The following JAKMIP3 variants were observed in gnomAD, a reference collection of about 807,000 sequenced individuals.
JAKMIP3 encodes the protein Janus kinase and microtubule interacting protein 3, also known as janus kinase and microtubule-interacting protein 3.
JAKMIP3 carries 58 observed loss-of-function variants against 118.5 expected under a neutral mutation model. The ratio of observed to expected loss-of-function variants is 0.49; its 90% CI spans 0.40 to 0.61. The LOEUF is 0.61. JAKMIP3 is among the 20% of genes least tolerant of loss of function. The probability of loss-of-function intolerance (pLI) is 0.00; values close to 1 mark genes in which losing one functional copy is unlikely to be tolerated. For missense variants in JAKMIP3, 950 were observed against 1,109.0 expected (o/e 0.86, Z 2.04); for synonymous variants, 486 against 451.2 (o/e 1.08, Z -0.98).
upstream of JAKMIP3, among the ~76,000 whole-genome samples, chr10:132,061,218 CGCACACATACACCTGCCGTGACG>C (rs745836918): frequency 0.49 from 64,229 of 131,440 alleles, 14,737 homozygotes; most frequent in East Asian, 0.58. Flanking sequence ...GCCGTGACGG[CGCACACATACACCTGCCGTGACG>C]GCGCACACAC....
chr10:132,131,797 G>A (rs1037941257), intron 3 of JAKMIP3, among the ~76,000 whole-genome samples: 4 of 152,054 alleles, frequency 2.6e-5, no homozygotes, highest in African/African-American at 7.2e-5. Flanking sequence ...CTCTTCCCCC[G>A]GGTGTCTGTG....
chr10:132,101,967 G>T (rs1462846088), intron 1 of JAKMIP3, among the ~76,000 whole-genome samples: 2 of 152,008 alleles, frequency 1.3e-5, no homozygotes, highest in African/African-American at 4.8e-5. Context: ...CAGTTCTGGA[G>T]CCCGCAGGAG....
chr10:132,133,833 G>A (rs1028930440), intron 4 of JAKMIP3, among the ~76,000 whole-genome samples: 6 of 152,212 alleles, frequency 3.9e-5, no homozygotes, highest in Admixed American at 1.3e-4. Flanking sequence ...TTGCTGGCCC[G>A]GAGTCCGGCC....
In JAKMIP3 at chr10:132,165,528, C is replaced by T. The variant is rs142728652; in HGVS notation, c.2490+793C>T. On this transcript the variant is annotated intron_variant, in intron 21 of 23. Coordinates refer to ENST00000684848, the MANE Select transcript of JAKMIP3 (RefSeq NM_001323087.2). ...TGAAGGGACGGGCTCCCTCCGAGGG[C>T]TGAATGAAATGGTCAGTGGCCCCAC... Among the ~76,000 whole-genome samples the T allele has an allele frequency of 3.8e-4, 58 of 152,302 alleles. No individual in the cohort carries two copies. The South Asian group carries it at 4.6e-3, about 12-fold the overall frequency.
At chr10:132,159,691 TCA>T (rs1173135776) in intron 19 of JAKMIP3, among the ~76,000 whole-genome samples, 18 of 97,510 alleles carry the variant, frequency 1.8e-4, no homozygotes, top group East Asian at 7.2e-4. Context: ...TATGTGATGC[TCA>T]GGGGGCCTCT....
At chr10:132,040,386 C>G (rs891958476) in intron 1 of JAKMIP3, among the ~76,000 whole-genome samples, 1 of 152,202 alleles carries the variant, frequency 6.6e-6, no homozygotes, top group Non-Finnish European at 1.5e-5. Flanking sequence ...CTGACCGAGA[C>G]AGGGCCCTCC....
At chr10:132,126,346 A>G (rs1020397171) in intron 3 of JAKMIP3, among the ~76,000 whole-genome samples, 2 of 149,296 alleles carry the variant, frequency 1.3e-5, no homozygotes, top group Non-Finnish European at 3.0e-5. Flanking sequence ...TCTGTCACCC[A>G]GGCTGGAGTG....
intron 17 of JAKMIP3, among the ~76,000 whole-genome samples, chr10:132,153,352 C>T (rs895721363): frequency 2.6e-5 from 4 of 152,242 alleles, no homozygotes; most frequent in African/African-American, 9.6e-5. Flanking sequence ...CAGCCCACTA[C>T]CTGCTCCTAG....
chr10:132,065,093 G>A (rs987212737), upstream of JAKMIP3, among the ~76,000 whole-genome samples: 3 of 152,110 alleles, frequency 2.0e-5, no homozygotes, highest in African/African-American at 7.2e-5. The surrounding 1 kb of genome is among the most constrained non-coding windows in gnomAD (Gnocchi z 5.6). Flanking sequence ...CCTGGTGGCC[G>A]GAGACAGGGC....
chr10:132,142,393 G>A (rs1047680019), intron 11 of JAKMIP3, among the ~76,000 whole-genome samples: 3 of 152,208 alleles, frequency 2.0e-5, no homozygotes, highest in Admixed American at 6.5e-5. Flanking sequence ...GCAGCATGGC[G>A]ATGGCCCGTG....
intron 19 of JAKMIP3, among the ~76,000 whole-genome samples, chr10:132,160,197 C>A (rs78883385): frequency 3.2e-5 from 1 of 31,178 alleles, no homozygotes; most frequent in Non-Finnish European, 6.6e-5. Flanking sequence ...TGGGCCTCTC[C>A]CTGTGTGATG....
chr10:132,150,539 C>T (rs1176090497), intron 16 of JAKMIP3, among the ~76,000 whole-genome samples: 2 of 152,174 alleles, frequency 1.3e-5, no homozygotes, highest in Non-Finnish European at 2.9e-5. Flanking sequence ...TACTAATCCT[C>T]TGCTCTCCAT....
At chr10:132,100,588 C>G (rs2044698807) in intron 1 of JAKMIP3, among the ~76,000 whole-genome samples, 1 of 150,736 alleles carries the variant, frequency 6.6e-6, no homozygotes, top group Admixed American at 6.6e-5. Flanking sequence ...GCAGCCACCC[C>G]CAGGGCCGGA....
intron 1 of JAKMIP3, among the ~76,000 whole-genome samples, chr10:132,084,917 T>A (rs4617508): frequency 0.35 from 53,955 of 152,086 alleles, 10,015 homozygotes; most frequent in African/African-American, 0.47. Flanking sequence ...CATTCCTGGT[T>A]TGAAACTTAC....
rs1051014313 is a variant in JAKMIP3 at position 132,112,214 on chromosome 10, G to A, written c.136-4863G>A. ...TGGAGCCTCACACCAACATCCAGGC[G>A]GGGGCTGACATTTGGGTGGTGAGCA... On this transcript the variant is annotated intron_variant, in intron 2 of 23. Coordinates refer to ENST00000684848, the MANE Select transcript of JAKMIP3 (RefSeq NM_001323087.2). This position sits in a 1 kb window ranked among gnomAD's most constrained non-coding sequence, Gnocchi z 4.3. Among the ~76,000 whole-genome samples, 4 of 152,142 alleles carry A rather than the reference G, an allele frequency of 2.6e-5. No homozygotes were observed. The highest frequency in any genetic ancestry group is 7.2e-5 in the African/African-American group (3 of 41,428).
chr10:132,180,640 TGTGTGC>T (rs1285439832), intron 23 of JAKMIP3, among the ~76,000 whole-genome samples: 564 of 33,830 alleles, frequency 0.017, 185 homozygotes, highest in Non-Finnish European at 0.024. Context: ...TGTGCGTGCG[TGTGTGC>T]GTGTGCGTGT....
rs753751992 is a variant in JAKMIP3 at position 132,153,970 on chromosome 10, G to A, written c.2200G>A (p.Ala734Thr). 27 of 1,613,028 alleles carry A rather than the reference G, an allele frequency of 1.7e-5. 1 individual carries two copies. In the South Asian group the frequency reaches 2.5e-4, roughly 15 times the overall value. ...CGAGGAGCTGGACTACCGGAAACAG[G>A]CCTTGGACCAGGCCAACAAGGTGAG... ...LDEELDYRKQ[A>T]LDQANKHILE... Residue 734 changes from alanine (A) to threonine (T), a missense_variant, in exon 19 of 24, where the codon GCC becomes ACC. Transcript: ENST00000684848.
chr10:132,119,258 G>C (rs1336029509), intron 3 of JAKMIP3, among the ~76,000 whole-genome samples: 1 of 151,912 alleles, frequency 6.6e-6, no homozygotes, highest in East Asian at 1.9e-4. Flanking sequence ...TGTGTTCCCC[G>C]TTCTGTGGGT....
Position 132,180,562 on chromosome 10 carries a change from TGTGTGC to T in JAKMIP3, c.*1104-1789_*1104-1784del, listed in dbSNP as rs1565018442. On this transcript the variant is annotated intron_variant, in intron 23 of 23. Coordinates refer to ENST00000684848, the MANE Select transcript of JAKMIP3 (RefSeq NM_001323087.2). ...GTGTGTGTGCGTGCGTGCATGCGTG[TGTGTGC>T]GTGTGTGTGTGCGTGCGCGTGTGTG... Among the ~76,000 whole-genome samples the T allele has an allele frequency of 5.2e-4, 24 of 46,116 alleles. 3 individuals carry two copies. Among genetic ancestry groups the T allele is most frequent in the South Asian group, 1.7e-3 (2 of 1,150 alleles). The allele number at this position is 46,116 out of a possible 152,430, so 30.3% of individuals were successfully genotyped here.
Sources: gnomAD v4.1 joint callset for allele counts (sites outside exome capture counted in the v4.1 genomes callset) on GRCh38, gnomAD v4.1.1 for gene constraint, Gnocchi (gnomAD v3.1) non-coding constraint, MANE v1.5 for transcripts, NCBI Gene and HGNC (gene_info 2026-07-23, HGNC 2026-07-21) for gene names.